Variants in CDH12 observed in about 807,000 individuals in gnomAD.
CDH12 encodes cadherin-12.
CDH12 carries 41 observed loss-of-function variants against 74.1 expected under a neutral mutation model. That is an observed-to-expected ratio of 0.55 (90% CI 0.43 to 0.72). The LOEUF (loss-of-function observed/expected upper bound fraction) is 0.72, where lower values mean the gene tolerates loss of function less well. Ranked by LOEUF, CDH12 falls within the 30% of genes least tolerant of loss-of-function variation. The pLI, the probability that CDH12 is intolerant of heterozygous loss-of-function variation, is 0.00. For synonymous variants in CDH12, 399 were observed against 355.0 expected (o/e 1.12, Z -1.39); for missense variants, 945 against 977.2 (o/e 0.97, Z 0.44).
At chr5:22,280,708 C>T (rs1461429023) in intron 3 of CDH12, among the ~76,000 whole-genome samples, 1 of 152,014 alleles carries the variant, frequency 6.6e-6, no homozygotes, top group Non-Finnish European at 1.5e-5. Context: ...CAATAACAGG[C>T]TCTGAAATTG....
chr5:22,382,441 T>TAGAGATGCACCATGAGTGTTGC (rs1741808834), intron 3 of CDH12, among the ~76,000 whole-genome samples: 1 of 151,878 alleles, frequency 6.6e-6, no homozygotes. Context: ...CCGGGCCCTG[T>TAGAGATGCACCATGAGTGTTGC]AGAGATGCAC....
intron 5 of CDH12, among the ~76,000 whole-genome samples, chr5:22,072,520 T>A (rs1742012223): frequency 6.7e-6 from 1 of 148,762 alleles, no homozygotes. Flanking sequence ...GTGTTTCTAT[T>A]ATAGCACTTT....
chr5:22,182,097 G>A (rs183310575), intron 4 of CDH12, among the ~76,000 whole-genome samples: 54 of 152,014 alleles, frequency 3.6e-4, no homozygotes, highest in African/African-American at 1.2e-3. Flanking sequence ...ATAAAGACTA[G>A]GTTTATAGTT....
intron 1 of CDH12, among the ~76,000 whole-genome samples, chr5:22,803,519 T>G (rs1011230092): frequency 1.3e-5 from 2 of 152,140 alleles, no homozygotes; most frequent in Admixed American, 6.5e-5. Flanking sequence ...AGACTCCAAG[T>G]TTTTGGTGCT....
In CDH12 at chr5:22,659,340, T is replaced by C. The variant is rs569637973; in HGVS notation, c.-522-153976A>G. Reference sequence around the variant, plus strand: ...TGGATTACTATATGCAGTTAGGAGATATAATACCTGTCTCAGTGTTGTATG... The same window carrying C: ...TGGATTACTATATGCAGTTAGGAGACATAATACCTGTCTCAGTGTTGTATG... On this transcript the variant is annotated intron_variant, in intron 1 of 14. Transcript: ENST00000382254. 2.6e-5 allele frequency among the ~76,000 whole-genome samples: 4 copies of C among 152,234 alleles called. 1 individual carries two copies. The South Asian group carries it at 8.3e-4, about 32-fold the overall frequency.
chr5:22,585,621 A>C (rs959986558), intron 1 of CDH12, among the ~76,000 whole-genome samples: 7 of 151,938 alleles, frequency 4.6e-5, no homozygotes, highest in African/African-American at 9.7e-5. Flanking sequence ...CTCTGTGTTC[A>C]TTTTTGATAC....
At chr5:22,475,851 T>C (rs1417398691) in intron 2 of CDH12, among the ~76,000 whole-genome samples, 1 of 152,096 alleles carries the variant, frequency 6.6e-6, no homozygotes, top group Admixed American at 6.6e-5. Flanking sequence ...GTATTAGCTG[T>C]AATTTACCTG....
At chr5:21,984,388 T>C (rs552024608) in intron 5 of CDH12, among the ~76,000 whole-genome samples, 3 of 152,318 alleles carry the variant, frequency 2.0e-5, no homozygotes, top group South Asian at 4.1e-4. Flanking sequence ...ATTCTGTATA[T>C]AGAATATTAG....
At chr5:22,058,833 C>A (rs1740953766) in intron 5 of CDH12, among the ~76,000 whole-genome samples, 1 of 151,870 alleles carries the variant, frequency 6.6e-6, no homozygotes, top group Non-Finnish European at 1.5e-5. Flanking sequence ...AAAAGGTTGA[C>A]TGATTGTATC....
intron 2 of CDH12, among the ~76,000 whole-genome samples, chr5:22,447,811 C>T (rs766123712): frequency 4.0e-5 from 6 of 151,634 alleles, no homozygotes; most frequent in Non-Finnish European, 8.8e-5. Context: ...AAGTTTAGTG[C>T]AGTTTACAAT....
chr5:22,567,979 G>C (rs1040550361), intron 1 of CDH12, among the ~76,000 whole-genome samples: 1 of 152,154 alleles, frequency 6.6e-6, no homozygotes, highest in Non-Finnish European at 1.5e-5. Flanking sequence ...CACTATCACT[G>C]TGTGACTTCT....
chr5:22,047,189 C>T (rs1481882373), intron 5 of CDH12, among the ~76,000 whole-genome samples: 2 of 152,168 alleles, frequency 1.3e-5, no homozygotes, highest in Non-Finnish European at 2.9e-5. Flanking sequence ...CTCTAGCTCA[C>T]ACCCTTTCAG....
At chr5:22,795,396 C>A (rs1748143028) in intron 1 of CDH12, among the ~76,000 whole-genome samples, 1 of 151,958 alleles carries the variant, frequency 6.6e-6, no homozygotes, top group African/African-American at 2.4e-5. Flanking sequence ...CTCCCATAGT[C>A]CTAAACCTGA....
intron 6 of CDH12, among the ~76,000 whole-genome samples, chr5:21,899,804 A>T (rs993485934): frequency 6.6e-6 from 1 of 151,844 alleles, no homozygotes; most frequent in African/African-American, 2.4e-5. Flanking sequence ...TAACTATAAT[A>T]TATGAACCAT....
chr5:22,456,747 A>G (rs1745292109), intron 2 of CDH12, among the ~76,000 whole-genome samples: 3 of 152,286 alleles, frequency 2.0e-5, no homozygotes, highest in East Asian at 1.9e-4. Flanking sequence ...GACATAATTT[A>G]TGCAAAATTT....
chr5:22,229,751 C>A (rs1312356418), intron 3 of CDH12, among the ~76,000 whole-genome samples: 5 of 151,920 alleles, frequency 3.3e-5, no homozygotes, highest in Admixed American at 2.6e-4. Context: ...TAGGGTATAC[C>A]ATGTTCCATC....
chr5:22,356,332 T>C (rs1166468249), intron 3 of CDH12, among the ~76,000 whole-genome samples: 1 of 152,162 alleles, frequency 6.6e-6, no homozygotes, highest in Admixed American at 6.6e-5. Flanking sequence ...TAGATAACAA[T>C]GGTTTTATTA....
At chr5:21,767,054 C>T (rs905384441) in intron 11 of CDH12, among the ~76,000 whole-genome samples, 4 of 151,760 alleles carry the variant, frequency 2.6e-5, no homozygotes, top group African/African-American at 7.2e-5. Flanking sequence ...TATATAGGTA[C>T]TTACAAAAAG....
In CDH12 at chr5:22,061,144, C is replaced by T. The variant is rs1391733583; in HGVS notation, c.231+17302G>A. On this transcript the variant is annotated intron_variant, in intron 5 of 14. Transcript: ENST00000382254. ...AGTATAAGTATGTACTAAAGGTCTC[C>T]TCTAAGGTGGTTACACTGATATATG... Among the ~76,000 whole-genome samples the T allele has an allele frequency of 2.6e-5, 4 of 152,100 alleles. No homozygotes were observed. In the East Asian group the frequency reaches 7.7e-4, roughly 29 times the overall value.
Sources: allele counts gnomAD v4.1 joint callset (sites outside exome capture counted in the v4.1 genomes callset), GRCh38; gene constraint gnomAD v4.1.1; transcripts MANE v1.5; gene names NCBI Gene and HGNC (gene_info 2026-07-23, HGNC 2026-07-21).